The following DIP2C variants were observed in gnomAD, a reference collection of about 807,000 sequenced individuals.
DIP2C encodes the protein disco-interacting protein 2 homolog C.
DIP2C carries 33 observed loss-of-function variants against 192.4 expected under a neutral mutation model. The ratio of observed to expected loss-of-function variants is 0.17; its 90% CI spans 0.13 to 0.23. DIP2C has a LOEUF of 0.23. Ranked by LOEUF, DIP2C falls within the 10% of genes least tolerant of loss-of-function variation. The pLI is 1.00. For synonymous variants in DIP2C, 979 were observed against 864.1 expected, an observed-to-expected ratio of 1.13 and a Z score of -2.33; for missense variants, 1,537 against 2,110.1, an observed-to-expected ratio of 0.73 and a Z score of 5.32.
chr10:577,304 C>G (rs991066988), intron 1 of DIP2C, among the ~76,000 whole-genome samples: 3 of 152,070 alleles, frequency 2.0e-5, no homozygotes, highest in East Asian at 3.8e-4. Context: ...TAGCGATTAG[C>G]AAAAATTTAG....
intron 32 of DIP2C, among the ~76,000 whole-genome samples, chr10:293,864 G>A (rs1481084061): frequency 6.6e-6 from 1 of 152,196 alleles, no homozygotes; most frequent in East Asian, 1.9e-4. Context: ...GACACTGCAT[G>A]AGACGGCCCA....
At chr10:600,752 C>G (rs960929856) in intron 1 of DIP2C, among the ~76,000 whole-genome samples, 10 of 152,336 alleles carry the variant, frequency 6.6e-5, no homozygotes, top group East Asian at 1.9e-4. Context: ...CCAAACTATT[C>G]AGTGAGGTTG....
chr10:512,000 A>AGCACCACAATCACCTCTCAGG (rs1361797676), intron 1 of DIP2C, among the ~76,000 whole-genome samples: 1 of 152,144 alleles, frequency 6.6e-6, no homozygotes, highest in Non-Finnish European at 1.5e-5. Context: ...TAAAAGCGTG[A>AGCACCACAATCACCTCTCAGG]GCACCACAAT....
chr10:399,349 A>C lies in DIP2C; in HGVS notation c.1150-130T>G, dbSNP rs953119628. On this transcript the variant is annotated intron_variant, in intron 9 of 36. Coordinates refer to ENST00000280886, the MANE Select transcript of DIP2C (RefSeq NM_014974.3). ...CCAGATCCTATGTAAAATGCATTTCAGTAAGCTGTGTTTTAATAAGCATCA... is the reference window on the plus strand; with the variant it reads ...CCAGATCCTATGTAAAATGCATTTCCGTAAGCTGTGTTTTAATAAGCATCA... 7.6e-6 allele frequency: 5 copies of C among 655,114 alleles called. No individual in the cohort carries two copies. In the African/African-American group the frequency reaches 9.0e-5, roughly 12 times the overall value. The allele number at this position is 655,114 out of a possible 1,614,324, so 40.6% of individuals were successfully genotyped here.
At chr10:468,065 CT>C (rs577880821) in intron 3 of DIP2C, among the ~76,000 whole-genome samples, 40 of 152,260 alleles carry the variant, frequency 2.6e-4, no homozygotes, top group African/African-American at 9.4e-4. Flanking sequence ...AGCCACAGCC[CT>C]TTCCTTGTGA....
intron 31 of DIP2C, among the ~76,000 whole-genome samples, chr10:311,786 G>A (rs1331769846): frequency 6.6e-6 from 1 of 152,176 alleles, no homozygotes; most frequent in Non-Finnish European, 1.5e-5. Flanking sequence ...CACTGTACAA[G>A]GCTAAAAGAA....
chr10:529,555 A>T (rs1847252121), intron 1 of DIP2C, among the ~76,000 whole-genome samples: 1 of 152,090 alleles, frequency 6.6e-6, no homozygotes, highest in African/African-American at 2.4e-5. Context: ...AAAGGGAGAT[A>T]TGGGAAAACA....
intron 2 of DIP2C, among the ~76,000 whole-genome samples, chr10:477,642 G>A (rs566632703): frequency 1.5e-5 from 2 of 137,666 alleles, no homozygotes; most frequent in South Asian, 2.7e-4. Context: ...GTGGGAGGAA[G>A]AGAAGAAAAA....
chr10:487,986 C>T (rs985082350), intron 1 of DIP2C, among the ~76,000 whole-genome samples: 1 of 152,240 alleles, frequency 6.6e-6, no homozygotes, highest in Non-Finnish European at 1.5e-5. Flanking sequence ...TACGGAGACG[C>T]TCAGTTGCTT....
At chr10:480,900 C>T (rs1322992039) in intron 2 of DIP2C, among the ~76,000 whole-genome samples, 2 of 152,200 alleles carry the variant, frequency 1.3e-5, no homozygotes, top group South Asian at 2.1e-4. Context: ...CGCTATGTCA[C>T]AGGCAATGCC....
intron 1 of DIP2C, among the ~76,000 whole-genome samples, chr10:670,258 GCA>G (rs775911234): frequency 5.3e-5 from 8 of 151,724 alleles, no homozygotes; most frequent in South Asian, 2.1e-4. Context: ...ACACGTACAT[GCA>G]CATACACGCA....
chr10:303,568 G>C (rs1057374774), intron 32 of DIP2C, among the ~76,000 whole-genome samples: 1 of 151,114 alleles, frequency 6.6e-6, no homozygotes, highest in African/African-American at 2.4e-5. Context: ...TTGTTGACCA[G>C]ACTGGAGTGC....
rs573129805 is a variant in DIP2C at position 606,241 on chromosome 10, C to A, written c.85+83253G>T. Among the ~76,000 whole-genome samples the A allele has an allele frequency of 4.7e-5, 7 of 149,024 alleles. No individual in the cohort carries two copies. In the East Asian group the frequency reaches 1.4e-3, roughly 29 times the overall value. Reference sequence around the variant, plus strand: ...CACCTGGCTCATGGGCTCCACCCACCCCCCCAGAGGACCACTGAGGCCCCA... The same window carrying A: ...CACCTGGCTCATGGGCTCCACCCACACCCCCAGAGGACCACTGAGGCCCCA... On this transcript the variant is annotated intron_variant, in intron 1 of 36. Transcript: ENST00000280886.
chr10:577,631 A>G (rs913638049), intron 1 of DIP2C, among the ~76,000 whole-genome samples: 1 of 152,178 alleles, frequency 6.6e-6, no homozygotes, highest in East Asian at 1.9e-4. Flanking sequence ...CTGCTTATTT[A>G]AAGTATAAAA....
intron 1 of DIP2C, among the ~76,000 whole-genome samples, chr10:654,090 C>T (rs1046620289): frequency 2.0e-5 from 3 of 152,222 alleles, no homozygotes; most frequent in South Asian, 2.1e-4. Flanking sequence ...AGCAGATGCA[C>T]GCACAGGCAG....
At chr10:468,215 T>C (rs1970378831) in intron 3 of DIP2C, among the ~76,000 whole-genome samples, 2 of 152,174 alleles carry the variant, frequency 1.3e-5, no homozygotes, top group East Asian at 1.9e-4. Flanking sequence ...GCATATACTC[T>C]AAGTAAATTA....
chr10:669,831 TG>T (rs1857332721), intron 1 of DIP2C, among the ~76,000 whole-genome samples: 1 of 152,186 alleles, frequency 6.6e-6, no homozygotes, highest in Admixed American at 6.5e-5. Context: ...TTCCAATAAG[TG>T]GGAAACATTC....
At chr10:581,388 G>A (rs1850647383) in intron 1 of DIP2C, among the ~76,000 whole-genome samples, 1 of 152,080 alleles carries the variant, frequency 6.6e-6, no homozygotes, top group African/African-American at 2.4e-5. Flanking sequence ...GAGTTTCTAG[G>A]AATACAAAAG....
intron 19 of DIP2C, 33 bp downstream of exon 19, chr10:366,242 A>T: frequency 6.2e-7 from 1 of 1,607,848 alleles, no homozygotes; most frequent in Non-Finnish European, 8.5e-7. Flanking sequence ...GGAGCCACAG[A>T]TGGTGCCCAT....
Sources: gnomAD v4.1 joint callset for allele counts (sites outside exome capture counted in the v4.1 genomes callset) on GRCh38, gnomAD v4.1.1 for gene constraint, MANE v1.5 for transcripts, NCBI Gene and HGNC (gene_info 2026-07-23, HGNC 2026-07-21) for gene names.